The following TLN2 variants were observed in gnomAD, a reference collection of about 807,000 sequenced individuals.
The protein encoded by TLN2 is talin 2.
Under a neutral mutation model 294.7 loss-of-function variants are expected in TLN2, and 118 were observed. That is an observed-to-expected ratio of 0.40 (90% CI 0.34 to 0.47). The LOEUF (loss-of-function observed/expected upper bound fraction) is 0.47. Ranked by LOEUF, TLN2 falls within the 20% of genes least tolerant of loss-of-function variation. The probability of loss-of-function intolerance (pLI) is 0.84; values close to 1 mark genes in which losing one functional copy is unlikely to be tolerated. For missense variants in TLN2, 3,083 were observed against 3,282.2 expected (o/e 0.94, Z 1.48); for synonymous variants, 1,431 against 1,304.5 (o/e 1.10, Z -2.09).
intron 28 of TLN2, among the ~76,000 whole-genome samples, chr15:62,736,013 G>C (rs541315230): frequency 2.0e-5 from 3 of 152,278 alleles, no homozygotes; most frequent in African/African-American, 7.2e-5. Context: ...TTAACATGAA[G>C]TTTAAGAACA....
chr15:62,440,791 A>G (rs548858242), intron 1 of TLN2, among the ~76,000 whole-genome samples: 13 of 152,288 alleles, frequency 8.5e-5, no homozygotes, highest in African/African-American at 2.2e-4. Context: ...TATCCCTTCA[A>G]AAGTTTAGCT....
intron 58 of TLN2, 118 bp from the exon 59 acceptor site, chr15:62,840,364 C>A (rs941950010): frequency 1.4e-6 from 2 of 1,420,112 alleles, no homozygotes; most frequent in African/African-American, 1.4e-5. Flanking sequence ...AAAGCTGTTC[C>A]GGATGTGCTG....
chr15:62,656,165 G>A (rs2053185087), intron 8 of TLN2, 79 bp downstream of exon 8: 3 of 1,551,468 alleles, frequency 1.9e-6, no homozygotes, highest in South Asian at 1.2e-5. Flanking sequence ...CGAGCAGGAG[G>A]GCGGCGCTGG....
chr15:62,738,172 A>G, intron 29 of TLN2, 42 bp from the exon 30 acceptor site: 1 of 1,606,326 alleles, frequency 6.2e-7, no homozygotes, highest in Non-Finnish European at 8.5e-7. Flanking sequence ...ATGTGCAGAA[A>G]TGTTTGTACT....
chr15:62,519,586 T>C (rs979798280), intron 1 of TLN2, among the ~76,000 whole-genome samples: 3 of 152,234 alleles, frequency 2.0e-5, no homozygotes, highest in Non-Finnish European at 4.4e-5. Flanking sequence ...TTTTACAGGC[T>C]GATACAGGGT....
intron 2 of TLN2, among the ~76,000 whole-genome samples, chr15:62,611,048 C>T (rs1307187209): frequency 3.3e-5 from 5 of 152,094 alleles, no homozygotes; most frequent in African/African-American, 1.2e-4. Context: ...GGCTCTAAGC[C>T]TGAGTTTCTC....
At chr15:62,447,192 G>T (rs909054142) in intron 1 of TLN2, among the ~76,000 whole-genome samples, 1 of 146,890 alleles carries the variant, frequency 6.8e-6, no homozygotes, top group African/African-American at 2.7e-5. Flanking sequence ...TATTTAATTA[G>T]GAACTATTCA....
At chr15:62,712,200 G>A (rs1299841452) in intron 22 of TLN2, 123 bp downstream of exon 22, 1 of 1,192,170 alleles carries the variant, frequency 8.4e-7, no homozygotes, top group Non-Finnish European at 1.2e-6. Flanking sequence ...AACCTATATG[G>A]CTTGTAACAT....
intron 1 of TLN2, among the ~76,000 whole-genome samples, chr15:62,439,601 C>A (rs1344504664): frequency 6.6e-6 from 1 of 152,170 alleles, no homozygotes; most frequent in Non-Finnish European, 1.5e-5. Context: ...GTGTGAGCCA[C>A]CGTGCGCCTA....
At chr15:62,696,542 A>G (rs2058350534) in intron 14 of TLN2, among the ~76,000 whole-genome samples, 1 of 152,110 alleles carries the variant, frequency 6.6e-6, no homozygotes, top group Admixed American at 6.5e-5. Context: ...CCCTGTCTCT[A>G]CTAAAAATAC....
At chr15:62,459,633 A>G (rs1566990732) in intron 1 of TLN2, among the ~76,000 whole-genome samples, 2 of 152,106 alleles carry the variant, frequency 1.3e-5, no homozygotes, top group Non-Finnish European at 1.5e-5. Flanking sequence ...TCCAACCAAC[A>G]CTTGTTTGGG....
At chr15:62,453,433 C>A (rs1030589104) in intron 1 of TLN2, among the ~76,000 whole-genome samples, 4 of 152,146 alleles carry the variant, frequency 2.6e-5, no homozygotes, top group Admixed American at 2.6e-4. Context: ...AAGGCCCTTT[C>A]TTCCTTTGCA....
At chr15:62,488,889 G>A (rs147932085) in intron 1 of TLN2, among the ~76,000 whole-genome samples, 7 of 152,304 alleles carry the variant, frequency 4.6e-5, no homozygotes, top group South Asian at 2.1e-4. Context: ...TAGGCCAGGC[G>A]CAGTGGCTCA....
chr15:62,821,094 T>A (rs2067526702), intron 54 of TLN2, among the ~76,000 whole-genome samples: 1 of 152,216 alleles, frequency 6.6e-6, no homozygotes. Flanking sequence ...TCCTTCTGTG[T>A]TTGTCATGTA....
rs1417533514 is a variant in TLN2, at chr15:62,664,861, A to AAAAAAAAAG, written c.788+6971_788+6972insGAAAAAAAA. Among the ~76,000 whole-genome samples the AAAAAAAAAG allele has an allele frequency of 5.9e-4, 88 of 147,992 alleles. 1 individual carries two copies. The highest frequency in any genetic ancestry group is 2.1e-3 in the African/African-American group (83 of 40,474). ...GCAACAAGAGGGAAACTGTCTCAAA[A>AAAAAAAAAG]AAAAAAAAAAAAAAAAAGTGGCTAC... is the stretch of plus-strand genomic sequence containing the variant. On this transcript the variant is annotated intron_variant, in intron 9 of 58. Coordinates refer to ENST00000636159, the MANE Select transcript of TLN2 (RefSeq NM_015059.3).
chr15:62,463,959 T>C (rs553472660), intron 1 of TLN2, among the ~76,000 whole-genome samples: 48 of 152,270 alleles, frequency 3.2e-4, no homozygotes, highest in African/African-American at 1.0e-3. Context: ...GAAATAGGAA[T>C]GTTTTTACAC....
At chr15:62,716,028 C>T (rs1028017701) in intron 22 of TLN2, among the ~76,000 whole-genome samples, 1 of 152,192 alleles carries the variant, frequency 6.6e-6, no homozygotes, top group Non-Finnish European at 1.5e-5. Context: ...GAGATTTAAT[C>T]TTCCCATCTT....
intron 2 of TLN2, among the ~76,000 whole-genome samples, chr15:62,617,124 T>TA (rs901021007): frequency 6.6e-6 from 1 of 152,132 alleles, no homozygotes; most frequent in Non-Finnish European, 1.5e-5. Flanking sequence ...GACTGTCCGT[T>TA]AAAAATCACA....
intron 1 of TLN2, among the ~76,000 whole-genome samples, chr15:62,475,248 G>T (rs1210995913): frequency 1.3e-5 from 2 of 152,104 alleles, no homozygotes; most frequent in Non-Finnish European, 2.9e-5. Context: ...AATAAACTTT[G>T]TATAAGCCGA....
Sources: allele counts gnomAD v4.1 joint callset (sites outside exome capture counted in the v4.1 genomes callset), GRCh38; gene constraint gnomAD v4.1.1; transcripts MANE v1.5; gene names NCBI Gene and HGNC (gene_info 2026-07-23, HGNC 2026-07-21).